The following SSTR2 variants were observed in gnomAD, a reference collection of about 807,000 sequenced individuals.
SSTR2 encodes somatostatin receptor 2.
SSTR2 carries 10 observed loss-of-function variants against 21.4 expected under a neutral mutation model. That is an observed-to-expected ratio of 0.47 (90% CI 0.29 to 0.79). The LOEUF (loss-of-function observed/expected upper bound fraction) is 0.79. Ranked by LOEUF, SSTR2 falls within the 30% of genes least tolerant of loss-of-function variation. SSTR2 has a pLI of 0.10. For missense variants in SSTR2, 364 were observed against 468.8 expected (o/e 0.78, Z 2.06); for synonymous variants, 177 against 181.3 (o/e 0.98, Z 0.19).
At chr17:73,166,755 G>C (rs958182228) in intron 1 of SSTR2, among the ~76,000 whole-genome samples, 2 of 152,122 alleles carry the variant, frequency 1.3e-5, no homozygotes, top group Non-Finnish European at 2.9e-5. Context: ...TTCTTGCTTA[G>C]AGGAGCCTTC....
chr17:73,169,957 T>C lies in SSTR2; in HGVS notation c.638T>C (p.Phe213Ser), dbSNP rs1464521263. The C allele has an allele frequency of 6.2e-7, 1 of 1,606,982 alleles. No individual in the cohort carries two copies. Among genetic ancestry groups the C allele is most frequent in the East Asian group, 2.2e-5 (1 of 44,750 alleles). ...TACACAGGGTTCATCATCTACACTT[T>C]CATTCTGGGGTTCCTGGTACCCCTC... ...AWYTGFIIYTFILGFLVPLTI... is the reference protein window; with the variant it reads ...AWYTGFIIYTSILGFLVPLTI... The change falls in exon 2 of 2, where the codon TTC becomes TCC. Residue 213 changes from phenylalanine (F) to serine (S), a missense_variant. Coordinates refer to ENST00000357585, the MANE Select transcript of SSTR2 (RefSeq NM_001050.3). This position sits in a 1 kb window ranked among gnomAD's most constrained non-coding sequence, Gnocchi z 5.2.
rs960730379 is a variant in SSTR2, at chr17:73,171,005, G to A, written c.*576G>A. Reference sequence around the variant, plus strand: ...GGCCCAGGAGGGACTTGGGCAGTATGTTCATGTGGTCATATGTTTTTGTAA... The same window carrying A: ...GGCCCAGGAGGGACTTGGGCAGTATATTCATGTGGTCATATGTTTTTGTAA... On this transcript the variant is annotated 3_prime_UTR_variant, in exon 2 of 2. Coordinates refer to ENST00000357585, the MANE Select transcript of SSTR2 (RefSeq NM_001050.3). 6 of 248,470 alleles carry A rather than the reference G, an allele frequency of 2.4e-5. No individual in the cohort carries two copies. The highest frequency in any genetic ancestry group is 9.8e-5 in the Admixed American group (2 of 20,352). 15.4% of individuals were successfully genotyped at this position (248,470 alleles called of 1,614,324 possible).
rs574402216 is a variant in SSTR2 at position 73,166,699 on chromosome 17, C to A, written c.-93+1411C>A. ...ACAGAAGTCTCTGGAAGACCTTAAG[C>A]GGCTGACTTCTTTGTTAAATAAGAC... is the stretch of plus-strand genomic sequence containing the variant. On this transcript the variant is annotated intron_variant, in intron 1 of 1. Coordinates refer to ENST00000357585, the MANE Select transcript of SSTR2 (RefSeq NM_001050.3). Among the ~76,000 whole-genome samples, 12 of 152,272 alleles carry A rather than the reference C, an allele frequency of 7.9e-5. No individual in the cohort carries two copies. In the South Asian group the frequency reaches 2.5e-3, roughly 32 times the overall value.
rs1394383599 is a variant in SSTR2, at chr17:73,174,291, A to T, written c.*3862A>T. On this transcript the variant is annotated 3_prime_UTR_variant, in exon 2 of 2. Coordinates refer to ENST00000357585, the MANE Select transcript of SSTR2 (RefSeq NM_001050.3). ...TGAACTGGAGTCTATTTGCTTACAC[A>T]AATTTAACCTTCTCTCCATGATGGA... 1 of 152,160 alleles carries T rather than the reference A, an allele frequency of 6.6e-6. No homozygotes were observed. The allele number at this position is 152,160 out of a possible 1,614,324, so 9.4% of individuals were successfully genotyped here. A position where few individuals can be genotyped will look rare whatever the true frequency, so the allele number is the denominator to read the frequency against.
intron 1 of SSTR2, chr17:73,167,969 G>C (rs1473945722): frequency 6.6e-6 from 1 of 152,214 alleles, no homozygotes; most frequent in East Asian, 1.9e-4. Context: ...TTCTCAGCAA[G>C]GAAGTAACAC....
intron 1 of SSTR2, among the ~76,000 whole-genome samples, chr17:73,166,450 C>CG (rs142557129): frequency 0.17 from 6,397 of 38,566 alleles, 402 homozygotes; most frequent in African/African-American, 0.36. Context: ...AAAAGGGGGG[C>CG]GGGGGGGGCA....
chr17:73,165,514 G>A (rs2061213346), intron 1 of SSTR2, among the ~76,000 whole-genome samples: 1 of 152,118 alleles, frequency 6.6e-6, no homozygotes, highest in African/African-American at 2.4e-5. Context: ...CCTGAGTAAG[G>A]GGGCTGTGGG....
chr17:73,170,343 G>A lies in SSTR2; in HGVS notation c.1024G>A (p.Asp342Asn), dbSNP rs2061230446. ...CGGCACAGATGATGGGGAGCGGAGT[G>A]ACAGTAAGCAGGACAAATCCCGGCT... ...VSGTDDGERS[D>N]SKQDKSRLNE... Residue 342 changes from aspartate to asparagine, a missense_variant, in exon 2 of 2, where the codon GAC (aspartate) becomes AAC (asparagine). Physicochemically the swap from Asp to Asn is conservative, Grantham distance 23 (BLOSUM62 1). Around this residue, in one of 4 missense-constraint regions of SSTR2, gnomAD observed 71 missense variants for 53.8 expected, o/e 1.32. Transcript: ENST00000357585. The A allele has an allele frequency of 1.2e-6, 2 of 1,613,992 alleles. No homozygotes were observed. Among genetic ancestry groups the A allele is most frequent in the East Asian group, 2.2e-5 (1 of 44,854 alleles).
Position 73,169,703 on chromosome 17 carries a change from C to A in SSTR2, c.384C>A (p.Thr128=). 6.2e-7 allele frequency: 1 copy of A among 1,614,230 alleles called. No homozygotes were observed. The part of the protein sequence containing the change: ...VMTVDGINQF[T]SIFCLTVMSI... ...CTGTGGATGGCATCAATCAGTTCACCAGCATCTTCTGCCTGACAGTCATGA... is the reference window on the plus strand; with the variant it reads ...CTGTGGATGGCATCAATCAGTTCACAAGCATCTTCTGCCTGACAGTCATGA... Residue 128 remains threonine, a synonymous_variant, in exon 2 of 2, where the codon ACC becomes ACA. Coordinates refer to ENST00000357585, the MANE Select transcript of SSTR2 (RefSeq NM_001050.3). The surrounding 1 kb of genome is among the most constrained non-coding windows in gnomAD (Gnocchi z 5.2).
intron 1 of SSTR2, among the ~76,000 whole-genome samples, chr17:73,168,883 A>T (rs1041705001): frequency 6.6e-6 from 1 of 152,226 alleles, no homozygotes; most frequent in African/African-American, 2.4e-5. Context: ...TGTCAGTGTC[A>T]GACCCTTCTG....
rs760908005 is a variant in SSTR2 at position 73,170,238 on chromosome 17, G to A, written c.919G>A (p.Ala307Thr). Residue 307 changes from alanine (A) to threonine (T), a missense_variant, in exon 2 of 2, where the codon GCC becomes ACC. Ala to Thr is a moderately conservative substitution (Grantham distance 58). Transcript: ENST00000357585. ...VVVLTYANSC[A>T]NPILYAFLSD... ...GGTCCTCACCTATGCTAACAGCTGT[G>A]CCAACCCTATCCTATATGCCTTCTT... The A allele has an allele frequency of 1.9e-6, 3 of 1,614,040 alleles. No individual in the cohort carries two copies. The Admixed American group carries it at 5.0e-5, about 27-fold the overall frequency.
chr17:73,175,692 G>A lies in SSTR2; in HGVS notation c.*5263G>A, dbSNP rs1179713989. ...CTTAGACATTGGTGTCGACAGTGGG[G>A]ATACTAAGTTCATCTCCTGATCCTG... is the stretch of plus-strand genomic sequence containing the variant. On this transcript the variant is annotated 3_prime_UTR_variant, in exon 2 of 2. Transcript: ENST00000357585. 1 of 152,182 alleles carries A rather than the reference G, an allele frequency of 6.6e-6. No individual in the cohort carries two copies. Among genetic ancestry groups the A allele is most frequent in the Non-Finnish European group, 1.5e-5 (1 of 68,052 alleles). The allele number at this position is 152,182 out of a possible 1,614,324, so 9.4% of individuals were successfully genotyped here. A position where few individuals can be genotyped will look rare whatever the true frequency, so the allele number is the denominator to read the frequency against.
In SSTR2 at chr17:73,171,541, T is replaced by A. The variant is rs1447508928; in HGVS notation, c.*1112T>A. 1.8e-5 allele frequency: 3 copies of A among 166,798 alleles called. No homozygotes were observed. Among genetic ancestry groups the A allele is most frequent in the Non-Finnish European group, 4.4e-5 (3 of 68,090 alleles). 10.3% of individuals were successfully genotyped at this position (166,798 alleles called of 1,614,324 possible). Reference sequence around the variant, plus strand: ...TTTATTTTTCAGGCCAGACATAGCTTCCTAATGAAAGAAAATGGAAATGTA... The same window carrying A: ...TTTATTTTTCAGGCCAGACATAGCTACCTAATGAAAGAAAATGGAAATGTA... On this transcript the variant is annotated 3_prime_UTR_variant, in exon 2 of 2. Coordinates refer to ENST00000357585, the MANE Select transcript of SSTR2 (RefSeq NM_001050.3).
Position 73,171,670 on chromosome 17 carries a change from C to T in SSTR2, c.*1241C>T, listed in dbSNP as rs1475967464. 6.1e-6 allele frequency: 1 copy of T among 164,432 alleles called. No individual in the cohort carries two copies. Among genetic ancestry groups the T allele is most frequent in the Non-Finnish European group, 1.5e-5 (1 of 68,082 alleles). The allele number at this position is 164,432 out of a possible 1,614,324, so 10.2% of individuals were successfully genotyped here. On this transcript the variant is annotated 3_prime_UTR_variant, in exon 2 of 2. Coordinates refer to ENST00000357585, the MANE Select transcript of SSTR2 (RefSeq NM_001050.3). ...GCGTGGTGGCTTACACCTGTAATCCCAGCACTTTGGGAGGCCGAGGTGGGT... is the reference window on the plus strand; with the variant it reads ...GCGTGGTGGCTTACACCTGTAATCCTAGCACTTTGGGAGGCCGAGGTGGGT...
At position 73,174,999 on chromosome 17, in the gene SSTR2, A is replaced by G. The variant is rs1015651608; in HGVS notation, c.*4570A>G. The G allele has an allele frequency of 4.6e-5, 7 of 152,400 alleles. No homozygotes were observed. Among genetic ancestry groups the G allele is most frequent in the African/African-American group, 1.7e-4 (7 of 41,450 alleles). The allele number at this position is 152,400 out of a possible 1,614,324, so 9.4% of individuals were successfully genotyped here. Reference sequence around the variant, plus strand: ...AATAAAAATTCTTTAAACAGTCAAAATAGAAAGAAAGAAAGAAAGGTGGCA... The same window carrying G: ...AATAAAAATTCTTTAAACAGTCAAAGTAGAAAGAAAGAAAGAAAGGTGGCA... On this transcript the variant is annotated 3_prime_UTR_variant, in exon 2 of 2. Coordinates refer to ENST00000357585, the MANE Select transcript of SSTR2 (RefSeq NM_001050.3).
intron 1 of SSTR2, among the ~76,000 whole-genome samples, chr17:73,165,636 C>T (rs2061213728): frequency 6.6e-6 from 1 of 151,694 alleles, no homozygotes; most frequent in Non-Finnish European, 1.5e-5. Flanking sequence ...TCTCTCCCAG[C>T]CCCCTACAAA....
Position 73,169,133 on chromosome 17 carries a change from GA to G in SSTR2, c.-92-94del, listed in dbSNP as rs2061225368. On this transcript the variant is annotated intron_variant, in intron 1 of 1. Transcript: ENST00000357585. This position sits in a 1 kb window ranked among gnomAD's most constrained non-coding sequence, Gnocchi z 5.2. ...AAAGATAATACATTTTTCAATTTAAGAGTATGTCTGAGAGGCTAAACCAGAA... is the reference window on the plus strand; with the variant it reads ...AAAGATAATACATTTTTCAATTTAAGGTATGTCTGAGAGGCTAAACCAGAA... 2 of 632,114 alleles carry G rather than the reference GA, an allele frequency of 3.2e-6. No homozygotes were observed. Among genetic ancestry groups the G allele is most frequent in the East Asian group, 5.5e-5 (2 of 36,328 alleles). The allele number at this position is 632,114 out of a possible 1,614,324, so 39.2% of individuals were successfully genotyped here.
Position 73,173,268 on chromosome 17 carries a change from T to C in SSTR2, c.*2839T>C, listed in dbSNP as rs983323680. 3.3e-5 allele frequency: 5 copies of C among 151,380 alleles called. No homozygotes were observed. Among genetic ancestry groups the C allele is most frequent in the African/African-American group, 9.7e-5 (4 of 41,190 alleles). 9.4% of individuals were successfully genotyped at this position (151,380 alleles called of 1,614,324 possible). On this transcript the variant is annotated 3_prime_UTR_variant, in exon 2 of 2. Coordinates refer to ENST00000357585, the MANE Select transcript of SSTR2 (RefSeq NM_001050.3). Reference sequence around the variant, plus strand: ...ACCCTGCAACCAGAGAAACTGCCTGTAGGGAGGCCAGAGTCCAAAGCAGCC... The same window carrying C: ...ACCCTGCAACCAGAGAAACTGCCTGCAGGGAGGCCAGAGTCCAAAGCAGCC...
Position 73,176,621 on chromosome 17 carries a change from C to T in SSTR2, c.*6192C>T, listed in dbSNP as rs2061249567. 1 of 152,192 alleles carries T rather than the reference C, an allele frequency of 6.6e-6. No homozygotes were observed. 9.4% of individuals were successfully genotyped at this position (152,192 alleles called of 1,614,324 possible). Reference sequence around the variant, plus strand: ...AACTTTGAGTTAATTAAACCTCTTTCCTTTATAAATTACCCAGTCTTGCGT... The same window carrying T: ...AACTTTGAGTTAATTAAACCTCTTTTCTTTATAAATTACCCAGTCTTGCGT... On this transcript the variant is annotated 3_prime_UTR_variant, in exon 2 of 2. Transcript: ENST00000357585.
Sources: allele counts gnomAD v4.1 joint callset (sites outside exome capture counted in the v4.1 genomes callset), GRCh38; gene constraint gnomAD v4.1.1; regional missense constraint gnomAD v4.1.1; non-coding constraint Gnocchi (gnomAD v3.1); transcripts MANE v1.5; gene names NCBI Gene and HGNC (gene_info 2026-07-23, HGNC 2026-07-21).